The following MACF1 variants were observed in gnomAD, a reference collection of about 807,000 sequenced individuals.
MACF1 encodes the protein microtubule actin crosslinking factor 1, also known as microtubule-actin cross-linking factor 1.
MACF1 carries 193 observed loss-of-function variants against 854.8 expected under a neutral mutation model. The observed-to-expected ratio is 0.23, with a 90% confidence interval of 0.20 to 0.25. The LOEUF (loss-of-function observed/expected upper bound fraction) is 0.25, where lower values mean the gene tolerates loss of function less well. Among genes scored for constraint, MACF1 ranks in the 10% least tolerant of loss-of-function variants. The pLI, the probability that MACF1 is intolerant of heterozygous loss-of-function variation, is 1.00. For missense variants in MACF1, 7,722 were observed against 8,929.1 expected, an observed-to-expected ratio of 0.86 and a Z score of 5.45; for synonymous variants, 3,185 against 3,226.7, an observed-to-expected ratio of 0.99 and a Z score of 0.44.
At chr1:39,232,754 T>TTGTTG (rs1553174804) in intron 2 of MACF1, among the ~76,000 whole-genome samples, 3 of 58,328 alleles carry the variant, frequency 5.1e-5, no homozygotes, top group Admixed American at 4.0e-4. Flanking sequence ...TTGTTTTTTT[T>TTGTTG]TTTTTTTTTT....
chr1:39,346,885 A>G, intron 40 of MACF1, 92 bp from the exon 41 acceptor site: 1 of 804,646 alleles, frequency 1.2e-6, no homozygotes. Flanking sequence ...ACAGGAAATT[A>G]GCCTCTCTGA....
intron 99 of MACF1, among the ~76,000 whole-genome samples, chr1:39,483,607 G>A (rs148814918): frequency 6.6e-6 from 1 of 152,270 alleles, no homozygotes; most frequent in East Asian, 1.9e-4. Flanking sequence ...AAGTCAAAGA[G>A]GCAGGATTTA....
intron 21 of MACF1, chr1:39,299,393 A>G: frequency 2.6e-6 from 1 of 390,086 alleles, no homozygotes; most frequent in Non-Finnish European, 5.0e-6. Flanking sequence ...GGAGACTTTT[A>G]TACCTCAAAA....
At chr1:39,479,682 G>T (rs1644979546) in intron 97 of MACF1, 116 bp from the exon 98 acceptor site, 3 of 815,090 alleles carry the variant, frequency 3.7e-6, no homozygotes, top group Admixed American at 4.3e-5. Context: ...CCCACAGATG[G>T]TACTAAACCC....
intron 58 of MACF1, chr1:39,412,633 GCAT>G (rs776832823): frequency 4.3e-5 from 70 of 1,613,902 alleles, no homozygotes; most frequent in Non-Finnish European, 5.6e-5. Context: ...GCTGAATGTG[GCAT>G]CATCAGAGGG....
At chr1:39,222,751 T>A (rs1644668339) in intron 1 of MACF1, among the ~76,000 whole-genome samples, 1 of 152,194 alleles carries the variant, frequency 6.6e-6, no homozygotes, top group Non-Finnish European at 1.5e-5. Context: ...CAACTCTACT[T>A]CCCTTCTGTG....
chr1:39,184,163 A>G (rs910748621), intron 2 of MACF1, among the ~76,000 whole-genome samples: 3 of 152,162 alleles, frequency 2.0e-5, no homozygotes, highest in Non-Finnish European at 4.4e-5. Context: ...CCCTCAGAGC[A>G]TATGGTTGAG....
intron 84 of MACF1, among the ~76,000 whole-genome samples, chr1:39,450,154 G>A (rs909450551): frequency 6.6e-6 from 1 of 151,906 alleles, no homozygotes; most frequent in East Asian, 1.9e-4. Context: ...CAGCCACCAC[G>A]CCCAGCCATT....
chr1:39,409,218 CGGGG>C lies in MACF1; in HGVS notation c.15817-13155_15817-13152del, dbSNP rs1459321705. Among the ~76,000 whole-genome samples the C allele has an allele frequency of 2.6e-5, 4 of 151,894 alleles. No homozygotes were observed. Among genetic ancestry groups the C allele is most frequent in the Non-Finnish European group, 4.4e-5 (3 of 67,942 alleles). ...TGACAGCTGCGGGCGGGGAGGACGG[CGGGG>C]CCGCGGGGCCAGCGGCGTGGTGGAG... On this transcript the variant is annotated intron_variant, in intron 58 of 100. Coordinates refer to ENST00000564288, the MANE Select transcript of MACF1 (RefSeq NM_001394062.1). The surrounding 1 kb of genome is among the most constrained non-coding windows in gnomAD (Gnocchi z 4.2).
chr1:39,352,983 C>G (rs1381431766), intron 43 of MACF1, 24 bp from the exon 44 acceptor site: 1 of 1,579,944 alleles, frequency 6.3e-7, no homozygotes, highest in African/African-American at 1.3e-5. Context: ...AGCCTTCTCA[C>G]TAGACTACCT....
rs111465495 is a variant in MACF1 at position 39,334,058 on chromosome 1, G to C, written c.7470G>C (p.Glu2490Asp). The change falls in exon 37 of 101, where the codon GAG (glutamate) becomes GAC (aspartate). Residue 2490 changes from glutamate to aspartate, a missense_variant. Glu to Asp is a conservative substitution (Grantham distance 45). Transcript: ENST00000564288. ...VVQSIDRGLL[E>D]REEAVRLLTK... ...AGTCCATTGACAGAGGTCTTTTGGA[G>C]AGAGAGGAGGCCGTTCGTTTGTTGA... 6.2e-7 allele frequency: 1 copy of C among 1,614,042 alleles called. No individual in the cohort carries two copies. The highest frequency in any genetic ancestry group is 1.3e-5 in the African/African-American group (1 of 74,926).
chr1:39,255,267 A>G (rs1466951103), intron 5 of MACF1, among the ~76,000 whole-genome samples: 1 of 152,208 alleles, frequency 6.6e-6, no homozygotes, highest in African/African-American at 2.4e-5. Flanking sequence ...GAAGCAGAGC[A>G]CAAGTGGTGT....
intron 2 of MACF1, among the ~76,000 whole-genome samples, chr1:39,119,813 A>G (rs1249951909): frequency 6.6e-6 from 1 of 150,966 alleles, no homozygotes. Context: ...TGTCCATTTC[A>G]TAGTTTAAAG....
At position 39,204,988 on chromosome 1, in the gene MACF1, G is replaced by C. The variant is rs759959070; in HGVS notation, c.-35G>C. Reference sequence around the variant, plus strand: ...TCCAGAGGCCTGCGCTGAGCTTGTGGCTAACTCAAGGGAGGAGAAAGGACG... The same window carrying C: ...TCCAGAGGCCTGCGCTGAGCTTGTGCCTAACTCAAGGGAGGAGAAAGGACG... On this transcript the variant is annotated 5_prime_UTR_variant, in exon 1 of 101. Coordinates refer to ENST00000564288, the MANE Select transcript of MACF1 (RefSeq NM_001394062.1). The C allele has an allele frequency of 2.8e-6, 2 of 702,634 alleles. No individual in the cohort carries two copies. Among genetic ancestry groups the C allele is most frequent in the Non-Finnish European group, 5.2e-6 (2 of 384,802 alleles). The allele number at this position is 702,634 out of a possible 1,614,324, so 43.5% of individuals were successfully genotyped here. A position where few individuals can be genotyped will look rare whatever the true frequency, so the allele number is the denominator to read the frequency against.
chr1:39,318,534 A>C lies in MACF1; in HGVS notation c.3864A>C (p.Glu1288Asp). ...GAACTCTCATCAAGTGGATTGAGGA[A>C]ACCACTGCCCAGCAGGAAATGATGA... ...CHGTLIKWIE[E>D]TTAQQEMMKP... The change falls in exon 30 of 101, where the codon GAA becomes GAC. Residue 1288 changes from glutamate to aspartate, a missense_variant. This residue lies in a region of MACF1 where 1,137 missense variants were observed against 1,263.0 expected (regional missense o/e 0.90). Transcript: ENST00000564288. 1 of 1,614,086 alleles carries C rather than the reference A, an allele frequency of 6.2e-7. No homozygotes were observed.
In MACF1 at chr1:39,378,475, T is replaced by A. The variant is rs763267162; in HGVS notation, c.13228T>A (p.Ser4410Thr). The A allele has an allele frequency of 1.5e-5, 25 of 1,613,920 alleles. No individual in the cohort carries two copies. In the Admixed American group the frequency reaches 4.2e-4, roughly 27 times the overall value. The change falls in exon 53 of 101, where the codon TCT becomes ACT. Residue 4410 changes from serine (S) to threonine (T), a missense_variant. Transcript: ENST00000564288. ...SQGKTGSILP[S>T]VGSSVGSVNG... ...CTTCTGCTCAGGTTCCATACTGCCCTCTGTAGGAAGCTCTGTAGGCAGTGT... is the reference window on the plus strand; with the variant it reads ...CTTCTGCTCAGGTTCCATACTGCCCACTGTAGGAAGCTCTGTAGGCAGTGT...
At chr1:39,122,676 A>ATT (rs1642747149) in intron 2 of MACF1, among the ~76,000 whole-genome samples, 2 of 152,202 alleles carry the variant, frequency 1.3e-5, no homozygotes, top group Non-Finnish European at 2.9e-5. Flanking sequence ...GCAGATCATA[A>ATT]TTACCTGTGT....
intron 4 of MACF1, among the ~76,000 whole-genome samples, chr1:39,252,995 A>AT (rs1645058600): frequency 6.6e-6 from 1 of 152,198 alleles, no homozygotes; most frequent in Non-Finnish European, 1.5e-5. Flanking sequence ...GCTACCTTAT[A>AT]TTTTATCAGC....
At chr1:39,376,558 C>T (rs1482200545) in intron 52 of MACF1, among the ~76,000 whole-genome samples, 1 of 152,214 alleles carries the variant, frequency 6.6e-6, no homozygotes, top group East Asian at 1.9e-4. Flanking sequence ...TAGTGACAAC[C>T]TTGGTTAGTA....
Sources: allele counts gnomAD v4.1 joint callset (sites outside exome capture counted in the v4.1 genomes callset), GRCh38; gene constraint gnomAD v4.1.1; regional missense constraint gnomAD v4.1.1; non-coding constraint Gnocchi (gnomAD v3.1); transcripts MANE v1.5; gene names NCBI Gene and HGNC (gene_info 2026-07-23, HGNC 2026-07-21).